The following EYS variants were observed in gnomAD, a reference collection of about 807,000 sequenced individuals.
EYS encodes protein eyes shut homolog.
EYS carries 250 observed loss-of-function variants against 282.1 expected under a neutral mutation model. The ratio of observed to expected loss-of-function variants is 0.89; its 90% CI spans 0.80 to 0.98. The LOEUF (loss-of-function observed/expected upper bound fraction) is 0.98. Among genes scored for constraint, EYS ranks in the 50% least tolerant of loss-of-function variants. The pLI, the probability that EYS is intolerant of heterozygous loss-of-function variation, is 0.00. For missense variants in EYS, 4,016 were observed against 3,709.0 expected (o/e 1.08, Z -2.15); for synonymous variants, 1,355 against 1,282.9 (o/e 1.06, Z -1.20).
At chr6:65,297,204 GA>G (rs970931390) in intron 11 of EYS, among the ~76,000 whole-genome samples, 6 of 151,038 alleles carry the variant, frequency 4.0e-5, no homozygotes, top group African/African-American at 1.5e-4. Flanking sequence ...AGCAAAAGAT[GA>G]AAAAAAATTA....
chr6:65,233,800 G>A (rs1037715088), intron 12 of EYS, among the ~76,000 whole-genome samples: 1 of 152,144 alleles, frequency 6.6e-6, no homozygotes, highest in Admixed American at 6.6e-5. Context: ...TGTTTTGCTA[G>A]AAGTTGTGTT....
intron 2 of EYS, among the ~76,000 whole-genome samples, chr6:65,595,114 T>A (rs996085453): frequency 8.5e-5 from 13 of 152,058 alleles, no homozygotes; most frequent in African/African-American, 2.9e-4. Context: ...GTGGCACATA[T>A]ACACCATGGA....
Position 65,027,161 on chromosome 6 carries a change from T to C in EYS, c.2138-29458A>G, listed in dbSNP as rs1772445548. 3.3e-5 allele frequency among the ~76,000 whole-genome samples: 5 copies of C among 152,080 alleles called. No individual in the cohort carries two copies. In the South Asian group the frequency reaches 1.0e-3, roughly 32 times the overall value. On this transcript the variant is annotated intron_variant, in intron 13 of 42. Coordinates refer to ENST00000503581, the MANE Select transcript of EYS (RefSeq NM_001142800.2). ...TAAGAAACAAATTTACCCCAAAGAG[T>C]ATGATGTTTTTGTACAGTTATTTTA... is the stretch of plus-strand genomic sequence containing the variant.
chr6:64,061,985 A>G (rs1290039907), intron 33 of EYS, among the ~76,000 whole-genome samples: 6 of 151,830 alleles, frequency 4.0e-5, no homozygotes, highest in Admixed American at 3.9e-4. Flanking sequence ...AAAAGTTTTT[A>G]GCCATCATGC....
chr6:64,255,131 A>G (rs975070928), intron 30 of EYS, among the ~76,000 whole-genome samples: 1 of 152,096 alleles, frequency 6.6e-6, no homozygotes, highest in African/African-American at 2.4e-5. Flanking sequence ...CATTTAAGCC[A>G]TCATTGTTGA....
At chr6:65,087,986 A>G (rs1774436251) in intron 12 of EYS, among the ~76,000 whole-genome samples, 2 of 152,018 alleles carry the variant, frequency 1.3e-5, no homozygotes, top group African/African-American at 4.8e-5. Flanking sequence ...ATGGTTTTAT[A>G]AGAGTCAGGC....
chr6:65,529,681 A>T (rs1316701644), intron 2 of EYS, among the ~76,000 whole-genome samples: 3 of 152,228 alleles, frequency 2.0e-5, no homozygotes, highest in Non-Finnish European at 4.4e-5. Flanking sequence ...ACATGTTGAT[A>T]TCATAATGCC....
intron 5 of EYS, among the ~76,000 whole-genome samples, chr6:65,445,336 A>C (rs1020815397): frequency 6.6e-6 from 1 of 151,864 alleles, no homozygotes; most frequent in African/African-American, 2.4e-5. Flanking sequence ...AGTTTAACTT[A>C]ATTTATTAGG....
At chr6:64,457,940 T>C (rs1775608220) in intron 26 of EYS, among the ~76,000 whole-genome samples, 2 of 152,004 alleles carry the variant, frequency 1.3e-5, no homozygotes, top group Non-Finnish European at 2.9e-5. Flanking sequence ...TGTTTGTGTG[T>C]GTGTATCTAT....
intron 5 of EYS, among the ~76,000 whole-genome samples, chr6:65,484,023 G>A (rs919910313): frequency 2.0e-5 from 3 of 152,096 alleles, no homozygotes; most frequent in Middle Eastern, 3.4e-3. Context: ...TGAGATTTGG[G>A]TGGGGACACA....
intron 28 of EYS, among the ~76,000 whole-genome samples, chr6:64,419,640 T>C (rs183899764): frequency 1.3e-5 from 2 of 152,286 alleles, no homozygotes; most frequent in African/African-American, 2.4e-5. Flanking sequence ...CAGAACAAAG[T>C]CCAAAATCCA....
chr6:64,329,171 G>T (rs1190389511), intron 29 of EYS, among the ~76,000 whole-genome samples: 1 of 152,108 alleles, frequency 6.6e-6, no homozygotes, highest in African/African-American at 2.4e-5. Context: ...CTGGTGTGGA[G>T]CACTCGGTAG....
intron 1 of EYS, among the ~76,000 whole-genome samples, chr6:65,687,669 A>G (rs1206636339): frequency 2.0e-5 from 3 of 152,142 alleles, no homozygotes; most frequent in Non-Finnish European, 2.9e-5. Flanking sequence ...ACATGATTAT[A>G]TATCTAGAAA....
intron 5 of EYS, among the ~76,000 whole-genome samples, chr6:65,473,294 GGAA>G (rs2127243887): frequency 6.6e-6 from 1 of 151,796 alleles, no homozygotes; most frequent in East Asian, 1.9e-4. Context: ...GATGGAGTAA[GGAA>G]AACTTTAGGA....
At chr6:64,298,314 T>C (rs1233226798) in intron 30 of EYS, among the ~76,000 whole-genome samples, 1 of 149,450 alleles carries the variant, frequency 6.7e-6, no homozygotes, top group Non-Finnish European at 1.5e-5. Flanking sequence ...GTTTTCTAAA[T>C]AATTTAAAAG....
At chr6:65,393,383 C>G (rs978919510) in intron 7 of EYS, among the ~76,000 whole-genome samples, 2 of 151,922 alleles carry the variant, frequency 1.3e-5, no homozygotes, top group African/African-American at 4.8e-5. Context: ...ATATAGCAGC[C>G]CAGCTTTTGA....
chr6:65,157,487 A>C (rs1380281140), intron 12 of EYS, among the ~76,000 whole-genome samples: 3 of 150,866 alleles, frequency 2.0e-5, no homozygotes, highest in Admixed American at 2.0e-4. Context: ...TTGCCTACTC[A>C]GTCATAGAAA....
At chr6:64,391,270 G>C (rs1221110914) in intron 28 of EYS, among the ~76,000 whole-genome samples, 5 of 151,522 alleles carry the variant, frequency 3.3e-5, no homozygotes, top group African/African-American at 1.2e-4. Context: ...AGGAAATACA[G>C]AGAACGCCAC....
At chr6:64,039,927 T>TCTTTTGG (rs1160915837) in intron 33 of EYS, among the ~76,000 whole-genome samples, 3 of 152,172 alleles carry the variant, frequency 2.0e-5, no homozygotes, top group Non-Finnish European at 4.4e-5. Flanking sequence ...TATTTCTAAA[T>TCTTTTGG]CTTTGATTTC....
Sources: gnomAD v4.1 joint callset for allele counts (sites outside exome capture counted in the v4.1 genomes callset) on GRCh38, gnomAD v4.1.1 for gene constraint, MANE v1.5 for transcripts, NCBI Gene and HGNC (gene_info 2026-07-23, HGNC 2026-07-21) for gene names.